The following HIGD1C variants were observed in gnomAD, a reference collection of about 807,000 sequenced individuals.
HIGD1C encodes the protein HIG1 domain family member 1C.
In HIGD1C, 11 loss-of-function variants were observed where a neutral mutation model predicts 13.1. That is an observed-to-expected ratio of 0.84 (90% CI 0.53 to 1.39). HIGD1C has a LOEUF of 1.39. Among genes scored for constraint, HIGD1C ranks in the 40% most tolerant of loss-of-function variants. The pLI is 0.00. For missense variants in HIGD1C, 110 were observed against 112.0 expected, an observed-to-expected ratio of 0.98 and a Z score of 0.08; for synonymous variants, 36 against 37.7, an observed-to-expected ratio of 0.95 and a Z score of 0.17.
At chr12:50,937,749 T>C in the HIGD1C span, among the ~76,000 whole-genome samples, 2 of 152,138 alleles carry the variant, frequency 1.3e-5, no homozygotes, top group Non-Finnish European at 2.9e-5. Context: ...GTAACTCCTT[T>C]CTGCAGGCAG....
At chr12:50,965,682 A>G (rs1162451155) in intron 2 of HIGD1C, among the ~76,000 whole-genome samples, 1 of 152,170 alleles carries the variant, frequency 6.6e-6, no homozygotes, top group East Asian at 1.9e-4. Flanking sequence ...TCATTCTACC[A>G]AAGTATGGAT....
upstream of HIGD1C, among the ~76,000 whole-genome samples, chr12:50,950,976 G>A (rs74333095): frequency 0.17 from 25,407 of 150,292 alleles, 2,498 homozygotes; most frequent in East Asian, 0.5. Flanking sequence ...GAGCCACCGC[G>A]CCCGGCCATA....
At chr12:50,961,045 C>T (rs375956684) in exon 2 of HIGD1C, 5 of 1,613,326 alleles carry the variant, frequency 3.1e-6, no homozygotes, top group Non-Finnish European at 4.2e-6. Flanking sequence ...AATGTCAATT[C>T]ATCTTATTCA....
intron 2 of HIGD1C, among the ~76,000 whole-genome samples, chr12:50,962,583 G>T (rs906034153): frequency 1.3e-5 from 2 of 151,846 alleles, no homozygotes; most frequent in Non-Finnish European, 2.9e-5. Flanking sequence ...TGTAGTCACA[G>T]CTACTTGGGA....
chr12:50,940,737 G>A, the HIGD1C span, among the ~76,000 whole-genome samples: 4 of 142,530 alleles, frequency 2.8e-5, no homozygotes, highest in Admixed American at 6.9e-5. Flanking sequence ...AAAAAAAAAA[G>A]ACTGCAATAT....
the HIGD1C span, among the ~76,000 whole-genome samples, chr12:50,947,273 A>G: frequency 4.1e-3 from 630 of 152,306 alleles, 7 homozygotes; most frequent in African/African-American, 0.014. Context: ...TTAAAACACC[A>G]CAAACTTTTC....
chr12:50,971,991 C>T (rs1316508322), downstream of HIGD1C, among the ~76,000 whole-genome samples: 1 of 152,188 alleles, frequency 6.6e-6, no homozygotes, highest in Non-Finnish European at 1.5e-5. Flanking sequence ...CCAACAAGTA[C>T]ATATTTTGGT....
chr12:50,959,535 G>T (rs894359118), intron 1 of HIGD1C, among the ~76,000 whole-genome samples: 2 of 151,982 alleles, frequency 1.3e-5, no homozygotes, highest in Non-Finnish European at 2.9e-5. Flanking sequence ...TTTTTTCAGG[G>T]TCTAGTGTGA....
At chr12:50,931,645 A>G in the HIGD1C span, 5 of 146,728 alleles carry the variant, frequency 3.4e-5, no homozygotes, top group South Asian at 1.1e-3. Flanking sequence ...CAGAAGGCGA[A>G]GGTTGCAGTG....
chr12:50,959,966 G>A (rs1372230505), intron 1 of HIGD1C, among the ~76,000 whole-genome samples: 1 of 151,964 alleles, frequency 6.6e-6, no homozygotes, highest in Non-Finnish European at 1.5e-5. Context: ...CTGTTATCTG[G>A]CTATTTTTGT....
chr12:50,949,010 C>T (rs1315041570), upstream of HIGD1C: 1 of 145,168 alleles, frequency 6.9e-6, no homozygotes, highest in African/African-American at 2.6e-5. Flanking sequence ...ATGTCTCCAG[C>T]CTACATGCTC....
At chr12:50,933,454 C>T in the HIGD1C span, among the ~76,000 whole-genome samples, 1 of 152,226 alleles carries the variant, frequency 6.6e-6, no homozygotes, top group African/African-American at 2.4e-5. Context: ...GGACTATCAA[C>T]TCAAATTAGT....
Position 50,960,190 on chromosome 12 carries a change from G to A in HIGD1C, c.95-778G>A, listed in dbSNP as rs147714698. Among the ~76,000 whole-genome samples the A allele has an allele frequency of 5.3e-5, 8 of 152,208 alleles. No individual in the cohort carries two copies. The East Asian group carries it at 1.5e-3, about 29-fold the overall frequency. ...TTCTTGCCAGAGTTATGCTTCTTGT[G>A]CATATATTCATACCTTTTCATCTCT... On this transcript the variant is annotated intron_variant, in intron 1 of 2. Coordinates refer to ENST00000398455, the Ensembl canonical transcript of HIGD1C.
At chr12:50,956,994 T>G (rs1939119431) in intron 1 of HIGD1C, among the ~76,000 whole-genome samples, 1 of 151,984 alleles carries the variant, frequency 6.6e-6, no homozygotes, top group Non-Finnish European at 1.5e-5. Context: ...TTTGTTATTT[T>G]TTTTTTTGCT....
the HIGD1C span, among the ~76,000 whole-genome samples, chr12:50,938,927 A>G: frequency 6.6e-6 from 1 of 152,154 alleles, no homozygotes; most frequent in Admixed American, 6.6e-5. Context: ...TCTTTGTCCA[A>G]TTCACCCCAC....
intron 2 of HIGD1C, among the ~76,000 whole-genome samples, chr12:50,964,279 C>T (rs1412505921): frequency 6.6e-6 from 1 of 152,228 alleles, no homozygotes; most frequent in Non-Finnish European, 1.5e-5. Context: ...TCATCCACTA[C>T]ACATTTCATA....
At chr12:50,955,932 G>A (rs529046977) in intron 1 of HIGD1C, among the ~76,000 whole-genome samples, 1 of 152,154 alleles carries the variant, frequency 6.6e-6, no homozygotes, top group South Asian at 2.1e-4. Flanking sequence ...AAAGATAAAA[G>A]TGTTTCCAGC....
chr12:50,951,313 T>C (rs1565953706), upstream of HIGD1C, among the ~76,000 whole-genome samples: 1 of 152,040 alleles, frequency 6.6e-6, no homozygotes, highest in Non-Finnish European at 1.5e-5. Flanking sequence ...TATTTAGAAA[T>C]TGGGCATGGT....
At chr12:50,972,559 C>A (rs971748267), downstream of HIGD1C, among the ~76,000 whole-genome samples, 20 of 152,222 alleles carry the variant, frequency 1.3e-4, no homozygotes, top group African/African-American at 4.3e-4. Flanking sequence ...CAGCTCCCAG[C>A]ATGAGCGACA....
Sources: allele counts gnomAD v4.1 joint callset (sites outside exome capture counted in the v4.1 genomes callset), GRCh38; gene constraint gnomAD v4.1.1; transcripts MANE v1.5; gene names NCBI Gene and HGNC (gene_info 2026-07-23, HGNC 2026-07-21).